The following PSTPIP2 variants were observed in gnomAD, a reference collection of about 807,000 sequenced individuals.
The protein encoded by PSTPIP2 is proline-serine-threonine phosphatase interacting protein 2.
Under a neutral mutation model 63.3 loss-of-function variants are expected in PSTPIP2, and 33 were observed. That is an observed-to-expected ratio of 0.52 (90% CI 0.40 to 0.70). The LOEUF (loss-of-function observed/expected upper bound fraction) is 0.70. Among genes scored for constraint, PSTPIP2 ranks in the 30% least tolerant of loss-of-function variants. PSTPIP2 has a pLI of 0.00. For missense variants in PSTPIP2, 312 were observed against 400.7 expected, an observed-to-expected ratio of 0.78 and a Z score of 1.89; for synonymous variants, 125 against 132.7, an observed-to-expected ratio of 0.94 and a Z score of 0.40.
chr18:46,053,969 A>G (rs977493966), intron 1 of PSTPIP2, among the ~76,000 whole-genome samples: 3 of 152,214 alleles, frequency 2.0e-5, no homozygotes, highest in African/African-American at 7.2e-5. Context: ...TTATTTGAAC[A>G]TCACAGAGTG....
Position 45,991,961 on chromosome 18 carries a change from G to C in PSTPIP2, c.861C>G (p.Phe287Leu). 2 of 1,613,618 alleles carry C rather than the reference G, an allele frequency of 1.2e-6. No homozygotes were observed. Among genetic ancestry groups the C allele is most frequent in the Middle Eastern group, 3.3e-4 (2 of 6,060 alleles). The change falls in exon 12 of 15, where the codon TTC becomes TTG. Residue 287 changes from phenylalanine (F) to leucine (L), a missense_variant. By Grantham distance (22) the Phe-to-Leu change is conservative (BLOSUM62 0). Transcript: ENST00000409746. ...GGACTGCATTCTTCTGGGAGGAGTA[G>C]AAATTCTCATACATGATGGGTGCTA... is the stretch of plus-strand genomic sequence containing the variant. The part of the protein sequence containing the change: ...IPPAPIMYEN[F>L]YSSQKNAVPA...
intron 6 of PSTPIP2, among the ~76,000 whole-genome samples, chr18:46,002,050 AT>A (rs1568212486): frequency 6.6e-6 from 1 of 152,182 alleles, no homozygotes; most frequent in Non-Finnish European, 1.5e-5. Context: ...CATTTGCGAT[AT>A]GTTGTGCCAC....
intron 1 of PSTPIP2, among the ~76,000 whole-genome samples, chr18:46,042,160 G>A (rs1208085144): frequency 3.9e-5 from 6 of 152,134 alleles, no homozygotes; most frequent in African/African-American, 1.4e-4. Flanking sequence ...AGTTAGAAAT[G>A]TTTAATTCTA....
At chr18:46,001,176 C>A (rs1465426377) in intron 6 of PSTPIP2, among the ~76,000 whole-genome samples, 4 of 152,146 alleles carry the variant, frequency 2.6e-5, no homozygotes, top group Non-Finnish European at 5.9e-5. Context: ...CCATACTGTT[C>A]TCCATAGTGG....
chr18:45,988,672 C>T (rs1414464056), intron 14 of PSTPIP2, 30 bp downstream of exon 14: 1 of 1,512,972 alleles, frequency 6.6e-7, no homozygotes, highest in South Asian at 1.1e-5. Context: ...CTACACATGA[C>T]TCAATTATGT....
intron 1 of PSTPIP2, among the ~76,000 whole-genome samples, chr18:46,065,821 C>G (rs976986758): frequency 6.6e-6 from 1 of 151,866 alleles, no homozygotes; most frequent in Admixed American, 6.6e-5. Context: ...AGGCTGGTCT[C>G]AAACTCCTGA....
Position 46,005,454 on chromosome 18 carries a change from T to C in PSTPIP2, c.417+15A>G, listed in dbSNP as rs763576256. On this transcript the variant is annotated intron_variant, in intron 6 of 14. Transcript: ENST00000409746. The stretch of plus-strand genomic sequence containing the variant: ...GTCACCATTATCCCAAAAAAGACAA[T>C]AAAATGTGACTCACATCCATGGTTT... 4 of 1,571,212 alleles carry C rather than the reference T, an allele frequency of 2.5e-6. No homozygotes were observed. In the African/African-American group the frequency reaches 5.4e-5, roughly 21 times the overall value.
At chr18:46,015,700 AAGGCAAACACACATCATGATGTGC>A (rs1318013863) in intron 4 of PSTPIP2, among the ~76,000 whole-genome samples, 179 bp downstream of exon 4, 1 of 152,110 alleles carries the variant, frequency 6.6e-6, no homozygotes, top group Non-Finnish European at 1.5e-5. Flanking sequence ...GGCTCTGAGT[AAGGCAAACACACATCATGATGTGC>A]AGGTGTGCAG....
At chr18:46,000,286 G>T (rs919798478) in intron 6 of PSTPIP2, among the ~76,000 whole-genome samples, 3 of 152,006 alleles carry the variant, frequency 2.0e-5, no homozygotes, top group Non-Finnish European at 2.9e-5. Context: ...TTCTAACGAG[G>T]CCTCAATATT....
At chr18:45,990,519 T>C (rs535712978) in intron 13 of PSTPIP2, among the ~76,000 whole-genome samples, 1 of 152,250 alleles carries the variant, frequency 6.6e-6, no homozygotes, top group Admixed American at 6.5e-5. Context: ...ATCCTCCACC[T>C]CCCAGGTTCA....
intron 4 of PSTPIP2, among the ~76,000 whole-genome samples, chr18:46,014,901 C>A (rs1442765222): frequency 6.6e-6 from 1 of 152,048 alleles, no homozygotes; most frequent in Non-Finnish European, 1.5e-5. Flanking sequence ...GTACATTCTT[C>A]ATGTAAAAGT....
Position 45,992,039 on chromosome 18 carries a change from T to A in PSTPIP2, c.839-56A>T. ...AGAGGCAGGCGTCTTTCATCCTTAA[T>A]GACATCTAACAAGAAAGGCTAATAG... On this transcript the variant is annotated intron_variant, in intron 11 of 14. Coordinates refer to ENST00000409746, the MANE Select transcript of PSTPIP2 (RefSeq NM_024430.4). The A allele has an allele frequency of 3.8e-6, 6 of 1,593,682 alleles. No homozygotes were observed. In the South Asian group the frequency reaches 6.6e-5, roughly 18 times the overall value.
At chr18:46,055,384 T>G (rs2144125905) in intron 1 of PSTPIP2, among the ~76,000 whole-genome samples, 1 of 152,304 alleles carries the variant, frequency 6.6e-6, no homozygotes, top group Middle Eastern at 3.4e-3. Context: ...CAGGCTGGAG[T>G]GCAGTGATGT....
chr18:46,039,415 A>G (rs1296691159), intron 2 of PSTPIP2, among the ~76,000 whole-genome samples: 1 of 151,776 alleles, frequency 6.6e-6, no homozygotes, highest in Non-Finnish European at 1.5e-5. Flanking sequence ...GCCTCCCTCT[A>G]ACCACGTGGG....
At chr18:45,989,112 T>C (rs1307087156) in intron 13 of PSTPIP2, among the ~76,000 whole-genome samples, 1 of 152,198 alleles carries the variant, frequency 6.6e-6, no homozygotes, top group Non-Finnish European at 1.5e-5. Flanking sequence ...AAGATATAAT[T>C]TCAGCCACTA....
At chr18:46,071,836 C>T (rs1438291872) in intron 1 of PSTPIP2, among the ~76,000 whole-genome samples, 1 of 152,252 alleles carries the variant, frequency 6.6e-6, no homozygotes, top group Non-Finnish European at 1.5e-5. Flanking sequence ...TGTCTCGGCT[C>T]TCTGCGTCCT....
At chr18:46,000,398 G>T (rs2051650976) in intron 6 of PSTPIP2, among the ~76,000 whole-genome samples, 1 of 152,068 alleles carries the variant, frequency 6.6e-6, no homozygotes, top group South Asian at 2.1e-4. Flanking sequence ...ACAGAGTCTA[G>T]CTTTGTCACA....
intron 2 of PSTPIP2, chr18:46,028,950 T>A: frequency 1.6e-6 from 2 of 1,219,588 alleles, no homozygotes; most frequent in Non-Finnish European, 2.4e-6. Context: ...ATGCTGAACG[T>A]CCTTCTGCTG....
intron 6 of PSTPIP2, among the ~76,000 whole-genome samples, chr18:46,000,469 C>A (rs958005897): frequency 6.6e-6 from 1 of 152,110 alleles, no homozygotes; most frequent in African/African-American, 2.4e-5. Context: ...TGGGTTCAAG[C>A]GATTCTCCTG....
Sources: gnomAD v4.1 joint callset for allele counts (sites outside exome capture counted in the v4.1 genomes callset) on GRCh38, gnomAD v4.1.1 for gene constraint, MANE v1.5 for transcripts, NCBI Gene and HGNC (gene_info 2026-07-23, HGNC 2026-07-21) for gene names.